The following TUT4 variants were observed in gnomAD, a reference collection of about 807,000 sequenced individuals.
TUT4 encodes terminal uridylyl transferase 4, also known as terminal uridylyltransferase 4.
In TUT4, 36 loss-of-function variants were observed where a neutral mutation model predicts 192.2. The ratio of observed to expected loss-of-function variants is 0.19; its 90% CI spans 0.14 to 0.25. TUT4 has a LOEUF of 0.25. Ranked by LOEUF, TUT4 falls within the 10% of genes least tolerant of loss-of-function variation. The probability of loss-of-function intolerance (pLI) is 1.00; values close to 1 mark genes in which losing one functional copy is unlikely to be tolerated. For missense variants in TUT4, 1,493 were observed against 1,957.2 expected (o/e 0.76, Z 4.47); for synonymous variants, 618 against 666.0 (o/e 0.93, Z 1.11).
chr1:52,490,637 T>A, intron 8 of TUT4, 95 bp downstream of exon 8: 1 of 1,024,268 alleles, frequency 9.8e-7, no homozygotes. Context: ...CAAGGAGAAA[T>A]CTAAAACAAA....
intron 9 of TUT4, among the ~76,000 whole-genome samples, chr1:52,482,392 C>T (rs1668702942): frequency 6.6e-6 from 1 of 152,022 alleles, no homozygotes; most frequent in Admixed American, 6.6e-5. Context: ...ACTCTTCTCC[C>T]TTAACAATAT....
At chr1:52,503,392 CTG>C (rs1674697765) in intron 4 of TUT4, among the ~76,000 whole-genome samples, 1 of 151,762 alleles carries the variant, frequency 6.6e-6, no homozygotes, top group Admixed American at 6.6e-5. Context: ...AAAAAAAAAA[CTG>C]TGTGCCAGTC....
chr1:52,437,725 C>T (rs2148288776), intron 25 of TUT4: 1 of 152,804 alleles, frequency 6.5e-6, no homozygotes, highest in African/African-American at 2.4e-5. Flanking sequence ...GAGGCCAAGG[C>T]AGGCAGATCA....
chr1:52,545,746 T>A (rs1210534285), intron 1 of TUT4, among the ~76,000 whole-genome samples: 1 of 151,904 alleles, frequency 6.6e-6, no homozygotes, highest in Non-Finnish European at 1.5e-5. Flanking sequence ...GAACGTAAAA[T>A]GGTACAGCCA....
Position 52,463,485 on chromosome 1 carries a change from G to A in TUT4, c.3069+1585C>T, listed in dbSNP as rs759348659. 19 of 1,054,780 alleles carry A rather than the reference G, an allele frequency of 1.8e-5. No homozygotes were observed. The East Asian group carries it at 2.4e-4, about 14-fold the overall frequency. 65.3% of individuals were successfully genotyped at this position (1,054,780 alleles called of 1,614,324 possible). Reference sequence around the variant, plus strand: ...CGGGTCTAACAATTTCAAAACCACCGTTCAAAAGAATGATTTTAGAAAAGC... The same window carrying A: ...CGGGTCTAACAATTTCAAAACCACCATTCAAAAGAATGATTTTAGAAAAGC... On this transcript the variant is annotated intron_variant, in intron 16 of 29. Coordinates refer to ENST00000257177, the MANE Select transcript of TUT4 (RefSeq NM_001009881.3).
chr1:52,461,733 T>A lies in TUT4; in HGVS notation c.3106A>T (p.Lys1036Ter). 6.8e-7 allele frequency: 1 copy of A among 1,476,268 alleles called. No individual in the cohort carries two copies. 91.4% of individuals were successfully genotyped at this position (1,476,268 alleles called of 1,614,324 possible). ...NCKEIIENLAKILKRHPGLRN... is the reference protein window; with the variant it reads ...NCKEIIENLA Reference sequence around the variant, plus strand: ...ATACCTGGATGTCTCTTAAGAATTTTTGCCAAATTTTCAATTATTTCCTTA... The same window carrying A: ...ATACCTGGATGTCTCTTAAGAATTTATGCCAAATTTTCAATTATTTCCTTA... The change falls in exon 17 of 30, where the codon AAA becomes TAA. Residue 1036 changes from lysine (K) to a stop codon, truncating the protein, a stop_gained. Coordinates refer to ENST00000257177, the MANE Select transcript of TUT4 (RefSeq NM_001009881.3). LOFTEE classifies it high-confidence loss of function.
At chr1:52,502,847 C>T (rs1251588046) in intron 4 of TUT4, among the ~76,000 whole-genome samples, 1 of 152,074 alleles carries the variant, frequency 6.6e-6, no homozygotes, top group Non-Finnish European at 1.5e-5. Flanking sequence ...TGGTCTCAAA[C>T]TCCTGAGCTC....
At chr1:52,443,590 CAA>C (rs200186145) in intron 24 of TUT4, among the ~76,000 whole-genome samples, 1 of 144,654 alleles carries the variant, frequency 6.9e-6, no homozygotes. Flanking sequence ...AACTCCGTCT[CAA>C]AAAAAAAAAG....
chr1:52,525,914 T>A lies in TUT4; in HGVS notation c.367A>T (p.Ser123Cys). 7 of 1,614,136 alleles carry A rather than the reference T, an allele frequency of 4.3e-6. No individual in the cohort carries two copies. The highest frequency in any genetic ancestry group is 5.9e-6 in the Non-Finnish European group (7 of 1,180,016). Residue 123 changes from serine to cysteine, a missense_variant, in exon 2 of 30, where the codon AGT becomes TGT. Transcript: ENST00000257177. ...ISQAKSEKAT[S>C]LQAKAEKSPK... ...GATTTTTCTGCTTTTGCCTGTAAACTGGTTGCCTTTTCTGATTTTGCCTGT... is the reference window on the plus strand; with the variant it reads ...GATTTTTCTGCTTTTGCCTGTAAACAGGTTGCCTTTTCTGATTTTGCCTGT...
intron 3 of TUT4, among the ~76,000 whole-genome samples, chr1:52,511,734 C>T (rs1191033799): frequency 2.0e-5 from 3 of 152,104 alleles, no homozygotes; most frequent in Non-Finnish European, 4.4e-5. Flanking sequence ...GAACAGAGAG[C>T]TAATAGGGGA....
At chr1:52,544,239 G>A (rs576709185) in intron 1 of TUT4, among the ~76,000 whole-genome samples, 11 of 150,980 alleles carry the variant, frequency 7.3e-5, no homozygotes, top group Admixed American at 5.3e-4. Flanking sequence ...AGTGAGCTGA[G>A]ATCGTGCCAG....
Position 52,525,598 on chromosome 1 carries a change from C to A in TUT4, c.683G>T (p.Ser228Ile). The change falls in exon 2 of 30, where the codon AGT becomes ATT. Residue 228 changes from serine (S) to isoleucine (I), a missense_variant. Physicochemically the swap from Ser to Ile is moderately radical, Grantham distance 142. Coordinates refer to ENST00000257177, the MANE Select transcript of TUT4 (RefSeq NM_001009881.3). ...CTDNTGDSDD[S>I]ASGIEDVSDD... is the part of the protein sequence containing the mutation. ...CGATACGTCTTCAATTCCTGAAGCA[C>A]TATCATCAGAATCACCAGTATTATC... 1 of 1,612,258 alleles carries A rather than the reference C, an allele frequency of 6.2e-7. No homozygotes were observed. Among genetic ancestry groups the A allele is most frequent in the Non-Finnish European group, 8.5e-7 (1 of 1,179,352 alleles).
At chr1:52,480,968 T>C (rs763775823) in intron 11 of TUT4, among the ~76,000 whole-genome samples, 5 of 152,210 alleles carry the variant, frequency 3.3e-5, no homozygotes, top group Non-Finnish European at 5.9e-5. Context: ...CTGAAGGACA[T>C]AATCCATGTA....
intron 12 of TUT4, among the ~76,000 whole-genome samples, 154 bp downstream of exon 12, chr1:52,477,552 GCA>G (rs1381770411): frequency 6.6e-6 from 1 of 152,114 alleles, no homozygotes; most frequent in Non-Finnish European, 1.5e-5. Flanking sequence ...GGGCAACAGG[GCA>G]AGACCCTGTC....
At position 52,425,187 on chromosome 1, in the gene TUT4, T is replaced by A; in HGVS notation, c.4870+162A>T. The A allele has an allele frequency of 4.0e-6, 3 of 756,222 alleles. No individual in the cohort carries two copies. In the South Asian group the frequency reaches 9.9e-5, roughly 25 times the overall value. The allele number at this position is 756,222 out of a possible 1,614,324, so 46.8% of individuals were successfully genotyped here. On this transcript the variant is annotated intron_variant, in intron 29 of 29. Coordinates refer to ENST00000257177, the MANE Select transcript of TUT4 (RefSeq NM_001009881.3). The stretch of plus-strand genomic sequence containing the variant: ...AGTGTGCATCAAGTAATGGAGATTT[T>A]GTTTTACAAGCACCTAGCACCATCT...
intron 4 of TUT4, among the ~76,000 whole-genome samples, chr1:52,509,242 C>T (rs973568453): frequency 2.6e-5 from 4 of 152,182 alleles, no homozygotes; most frequent in East Asian, 3.8e-4. Flanking sequence ...CTTTATTCAA[C>T]GCATGCCCTC....
intron 24 of TUT4, among the ~76,000 whole-genome samples, chr1:52,442,829 G>A (rs1182913419): frequency 2.6e-5 from 4 of 152,174 alleles, no homozygotes; most frequent in African/African-American, 9.7e-5. Flanking sequence ...GCAGACTCAT[G>A]GGCCCCTTCT....
At position 52,525,724 on chromosome 1, in the gene TUT4, C is replaced by A. The variant is rs535927981; in HGVS notation, c.557G>T (p.Ser186Ile). ...ELQQIGKKIP[S>I]SFTSVDKVNI... ...CACTTTGTCCACAGAAGTAAAGGAG[C>A]TTGGAATTTTTTTTCCAATCTGTTG... Residue 186 changes from serine to isoleucine, a missense_variant, in exon 2 of 30, where the codon AGC becomes ATC. This residue lies in a region of TUT4 where 260 missense variants were observed against 247.8 expected (regional missense o/e 1.05). Coordinates refer to ENST00000257177, the MANE Select transcript of TUT4 (RefSeq NM_001009881.3). 6.2e-7 allele frequency: 1 copy of A among 1,614,140 alleles called. No homozygotes were observed. Among genetic ancestry groups the A allele is most frequent in the South Asian group, 1.1e-5 (1 of 91,074 alleles).
At chr1:52,506,169 C>T (rs1675508264) in intron 4 of TUT4, among the ~76,000 whole-genome samples, 1 of 152,204 alleles carries the variant, frequency 6.6e-6, no homozygotes, top group South Asian at 2.1e-4. Flanking sequence ...GAATAAAGCC[C>T]CACTTGATCA....
Sources: allele counts gnomAD v4.1 joint callset (sites outside exome capture counted in the v4.1 genomes callset), GRCh38; gene constraint gnomAD v4.1.1; regional missense constraint gnomAD v4.1.1; transcripts MANE v1.5; gene names NCBI Gene and HGNC (gene_info 2026-07-23, HGNC 2026-07-21).